Variants in ADAM29 observed in about 807,000 individuals in gnomAD.
The protein encoded by ADAM29 is disintegrin and metalloproteinase domain-containing protein 29.
For synonymous variants in ADAM29, 367 were observed against 342.3 expected, an observed-to-expected ratio of 1.07 and a Z score of -0.80; for missense variants, 969 against 1,001.8, an observed-to-expected ratio of 0.97 and a Z score of 0.44.
chr4:174,926,752 CA>C (rs1341071021), intron 2 of ADAM29, among the ~76,000 whole-genome samples: 1 of 146,108 alleles, frequency 6.8e-6, no homozygotes, highest in Admixed American at 6.8e-5. Context: ...AACATAACAA[CA>C]AAACATAACA....
chr4:174,973,128 T>TGG (rs200027892), intron 4 of ADAM29, among the ~76,000 whole-genome samples: 1 of 152,118 alleles, frequency 6.6e-6, no homozygotes, highest in African/African-American at 2.4e-5. Context: ...AGTTGGGTTA[T>TGG]GGGGGGGCAG....
chr4:174,967,636 G>T (rs1435194749), intron 4 of ADAM29, among the ~76,000 whole-genome samples: 2 of 152,164 alleles, frequency 1.3e-5, no homozygotes, highest in African/African-American at 2.4e-5. Context: ...AAAAGCACTG[G>T]ATATTTCCTG....
In ADAM29 at chr4:174,976,382, C is replaced by T. The variant is rs1472217328; in HGVS notation, c.857C>T (p.Ser286Leu). The T allele has an allele frequency of 1.9e-6, 3 of 1,599,172 alleles. No individual in the cohort carries two copies. Among genetic ancestry groups the T allele is most frequent in the Admixed American group, 1.7e-5 (1 of 57,818 alleles). Residue 286 changes from serine (S) to leucine (L), a missense_variant, in exon 5 of 5, where the codon TCA becomes TTA. Physicochemically the swap from Ser to Leu is moderately radical, Grantham distance 145. Transcript: ENST00000359240. Reference protein sequence around the residue: ...NITPRMQHDTSHLFTTLGLRG... With the variant: ...NITPRMQHDTLHLFTTLGLRG... ...ACGCCCCGGATGCAACATGACACCT[C>T]ACATCTTTTCACAACTCTAGGATTA...
At chr4:174,940,406 G>C (rs753980383) in intron 4 of ADAM29, among the ~76,000 whole-genome samples, 5 of 152,192 alleles carry the variant, frequency 3.3e-5, no homozygotes, top group Non-Finnish European at 2.9e-5. Context: ...AAACTTGAGG[G>C]TTAACATATG....
chr4:174,921,875 A>T (rs1743184367), intron 2 of ADAM29, among the ~76,000 whole-genome samples: 1 of 152,174 alleles, frequency 6.6e-6, no homozygotes, highest in Non-Finnish European at 1.5e-5. Context: ...TAAATTTTCA[A>T]ATGACTTTTA....
intron 3 of ADAM29, among the ~76,000 whole-genome samples, chr4:174,931,723 T>C (rs1743888449): frequency 6.6e-6 from 1 of 152,138 alleles, no homozygotes; most frequent in South Asian, 2.1e-4. Context: ...TATTTTAAAC[T>C]TTGTAATTAA....
chr4:174,954,696 C>T (rs553740052), intron 4 of ADAM29, among the ~76,000 whole-genome samples: 28 of 152,226 alleles, frequency 1.8e-4, no homozygotes, highest in African/African-American at 6.7e-4. Context: ...GGCTTAGTAT[C>T]CCCAATCTCA....
At chr4:174,939,988 A>G (rs1249640365) in intron 4 of ADAM29, among the ~76,000 whole-genome samples, 1 of 147,724 alleles carries the variant, frequency 6.8e-6, no homozygotes, top group African/African-American at 2.5e-5. Flanking sequence ...CTACCTCCCT[A>G]CCTTTCTCCA....
At chr4:174,931,757 T>A (rs1052443410) in intron 3 of ADAM29, among the ~76,000 whole-genome samples, 4 of 151,920 alleles carry the variant, frequency 2.6e-5, no homozygotes, top group Non-Finnish European at 5.9e-5. Flanking sequence ...TATTTTCATT[T>A]AAAAAAAATC....
Position 174,977,060 on chromosome 4 carries a change from G to A in ADAM29, c.1535G>A (p.Gly512Asp), listed in dbSNP as rs766995590. The A allele has an allele frequency of 6.2e-7, 1 of 1,614,124 alleles. No individual in the cohort carries two copies. The highest frequency in any genetic ancestry group is 8.5e-7 in the Non-Finnish European group (1 of 1,180,008). Residue 512 changes from glycine to aspartate, a missense_variant, in exon 5 of 5, where the codon GGC (glycine) becomes GAC (aspartate). Gly to Asp is a moderately conservative substitution (Grantham distance 94). Coordinates refer to ENST00000359240, the MANE Select transcript of ADAM29 (RefSeq NM_014269.4). ...NEQCRRIFGA[G>D]ANTASETCYK... ...CAGTGTAGGAGGATTTTTGGTGCAG[G>A]CGCAAATACTGCAAGTGAGACTTGC...
intron 1 of ADAM29, among the ~76,000 whole-genome samples, chr4:174,919,995 T>C (rs1292073726): frequency 6.6e-6 from 1 of 152,220 alleles, no homozygotes; most frequent in Admixed American, 6.5e-5. Context: ...TCTTTGTTAA[T>C]CAAATCTCTT....
Position 174,976,044 on chromosome 4 carries a change from C to T in ADAM29, c.519C>T (p.Cys173=), listed in dbSNP as rs761203561. ...RSGFMQNEIT[C]RMEFEEIDNS... is the part of the protein sequence containing the mutation. Reference sequence around the variant, plus strand: ...GATTTATGCAAAATGAAATAACATGCCGAATGGAATTTGAAGAAATTGATA... The same window carrying T: ...GATTTATGCAAAATGAAATAACATGTCGAATGGAATTTGAAGAAATTGATA... Residue 173 remains cysteine (C), a synonymous_variant, in exon 5 of 5, where the codon TGC becomes TGT. Transcript: ENST00000359240. 16 of 1,610,868 alleles carry T rather than the reference C, an allele frequency of 9.9e-6. No homozygotes were observed. In the South Asian group the frequency reaches 1.0e-4, roughly 10 times the overall value.
At chr4:174,920,460 C>T (rs1743102920) in intron 1 of ADAM29, among the ~76,000 whole-genome samples, 1 of 152,086 alleles carries the variant, frequency 6.6e-6, no homozygotes, top group South Asian at 2.1e-4. Flanking sequence ...GGCCCCCTAA[C>T]CACTGCTTCC....
intron 4 of ADAM29, among the ~76,000 whole-genome samples, chr4:174,941,690 T>C (rs975061608): frequency 5.3e-5 from 8 of 152,026 alleles, no homozygotes; most frequent in South Asian, 2.1e-4. Context: ...TGAGATGAGA[T>C]TGGGGGGACA....
chr4:174,944,975 G>T (rs57500246), intron 4 of ADAM29, among the ~76,000 whole-genome samples: 41,124 of 151,914 alleles, frequency 0.27, 6,242 homozygotes, highest in Non-Finnish European at 0.34. Context: ...GAACAGTGCT[G>T]TGATGAATAT....
chr4:174,933,839 G>A (rs1401970765), intron 3 of ADAM29, among the ~76,000 whole-genome samples: 1 of 152,110 alleles, frequency 6.6e-6, no homozygotes, highest in Non-Finnish European at 1.5e-5. Flanking sequence ...AGTATTCCAT[G>A]GTGCACATGT....
intron 3 of ADAM29, among the ~76,000 whole-genome samples, chr4:174,935,137 T>C (rs1172469389): frequency 1.3e-5 from 2 of 152,158 alleles, no homozygotes; most frequent in Non-Finnish European, 2.9e-5. Flanking sequence ...AGTTTTACAA[T>C]TGAGGAGCCC....
chr4:174,961,071 G>A (rs1434044675), intron 4 of ADAM29, among the ~76,000 whole-genome samples: 2 of 151,970 alleles, frequency 1.3e-5, no homozygotes, highest in African/African-American at 2.4e-5. Flanking sequence ...ATGGCCTGTG[G>A]AATATTCATT....
intron 4 of ADAM29, among the ~76,000 whole-genome samples, chr4:174,942,581 A>T (rs892574243): frequency 6.6e-6 from 1 of 152,186 alleles, no homozygotes; most frequent in East Asian, 1.9e-4. Context: ...AGTGGCTGGG[A>T]TGCAGAGCAC....
Sources: gnomAD v4.1 joint callset for allele counts (sites outside exome capture counted in the v4.1 genomes callset) on GRCh38, gnomAD v4.1.1 for gene constraint, MANE v1.5 for transcripts, NCBI Gene and HGNC (gene_info 2026-07-23, HGNC 2026-07-21) for gene names.